BICD2: variants seen among roughly 807,000 people sequenced by gnomAD.
BICD2 encodes BICD cargo adaptor 2, also known as protein bicaudal D homolog 2.
BICD2 carries 25 observed loss-of-function variants against 72.9 expected under a neutral mutation model. That is an observed-to-expected ratio of 0.34 (90% confidence interval 0.25 to 0.48). The LOEUF is 0.48. BICD2 is among the 20% of genes least tolerant of loss of function. The probability of loss-of-function intolerance (pLI) is 0.99; values close to 1 mark genes in which losing one functional copy is unlikely to be tolerated. For missense variants in BICD2, 894 were observed against 1,175.2 expected (o/e 0.76, Z 3.50); for synonymous variants, 501 against 516.1 (o/e 0.97, Z 0.40).
At position 92,759,255 on chromosome 9, in the gene BICD2, C is replaced by G. The variant is rs77565235; in HGVS notation, c.240+5250G>C. 9.2e-5 allele frequency among the ~76,000 whole-genome samples: 14 copies of G among 152,240 alleles called. 1 individual carries two copies. In the East Asian group the frequency reaches 2.3e-3, roughly 25 times the overall value. ...GCCTTTCCCCTGTGTTTGATGGTGT[C>G]TTGTACACATCACACACTCACAAGG... On this transcript the variant is annotated intron_variant, in intron 1 of 6. Coordinates refer to ENST00000356884, the MANE Select transcript of BICD2 (RefSeq NM_001003800.2).
Position 92,720,877 on chromosome 9 carries a change from C to A in BICD2, c.607-122G>T. The A allele has an allele frequency of 9.4e-7, 1 of 1,058,572 alleles. No individual in the cohort carries two copies. The highest frequency in any genetic ancestry group is 1.3e-6 in the Non-Finnish European group (1 of 748,778). The allele number at this position is 1,058,572 out of a possible 1,614,324, so 65.6% of individuals were successfully genotyped here. A position where few individuals can be genotyped will look rare whatever the true frequency, so the allele number is the denominator to read the frequency against. On this transcript the variant is annotated intron_variant, in intron 3 of 6. Coordinates refer to ENST00000356884, the MANE Select transcript of BICD2 (RefSeq NM_001003800.2). The surrounding 1 kb of genome is among the most constrained non-coding windows in gnomAD (Gnocchi z 5.4). Reference sequence around the variant, plus strand: ...CACTATGAAGCAAAAGATGAAGCGCCAGGTGAGGTGCCATCCTGGGAAGGG... The same window carrying A: ...CACTATGAAGCAAAAGATGAAGCGCAAGGTGAGGTGCCATCCTGGGAAGGG...
At chr9:92,717,635 C>T (rs537307924) in intron 6 of BICD2, among the ~76,000 whole-genome samples, 162 bp downstream of exon 6, 101 of 152,348 alleles carry the variant, frequency 6.6e-4, no homozygotes, top group African/African-American at 2.4e-3. Context: ...CCATGCTTCC[C>T]CAACCTCGTA....
chr9:92,714,762 A>C lies in BICD2; in HGVS notation c.*392T>G. The C allele has an allele frequency of 1.3e-5, 13 of 1,016,426 alleles. No homozygotes were observed. Among genetic ancestry groups the C allele is most frequent in the East Asian group, 9.7e-5 (1 of 10,258 alleles). The allele number at this position is 1,016,426 out of a possible 1,614,324, so 63.0% of individuals were successfully genotyped here. ...TGCTGACATTAGACACATGCGAGGAACATGCAAGTCTCAACTCAGGTTCTG... is the reference window on the plus strand; with the variant it reads ...TGCTGACATTAGACACATGCGAGGACCATGCAAGTCTCAACTCAGGTTCTG... On this transcript the variant is annotated 3_prime_UTR_variant, in exon 7 of 7. Coordinates refer to ENST00000356884, the MANE Select transcript of BICD2 (RefSeq NM_001003800.2).
chr9:92,731,799 G>A (rs1853685047), intron 1 of BICD2, among the ~76,000 whole-genome samples: 1 of 152,186 alleles, frequency 6.6e-6, no homozygotes, highest in East Asian at 1.9e-4. Flanking sequence ...CCACTGAGGG[G>A]GCAGAGAAAG....
chr9:92,719,685 C>A, intron 4 of BICD2, 103 bp from the exon 5 acceptor site: 1 of 1,269,048 alleles, frequency 7.9e-7, no homozygotes, highest in Non-Finnish European at 1.1e-6. Flanking sequence ...CATGTCAGGG[C>A]AGGCTGTCAG....
Position 92,722,801 on chromosome 9 carries a change from T to C in BICD2, c.461A>G (p.Gln154Arg). The C allele has an allele frequency of 6.2e-7, 1 of 1,614,110 alleles. No individual in the cohort carries two copies. Among genetic ancestry groups the C allele is most frequent in the East Asian group, 2.2e-5 (1 of 44,880 alleles). ...GCGGCCACGCTGGATCTCCACATTC[T>C]GGTTGATCTGTTGGGGGAGAGGGAA... ...SVAQELKEINQNVEIQRGRLR... is the reference protein window; with the variant it reads ...SVAQELKEINRNVEIQRGRLR... Residue 154 changes from glutamine to arginine, a missense_variant, in exon 3 of 7, where the codon CAG (glutamine) becomes CGG (arginine). This residue lies in a region of BICD2 where 192 missense variants were observed against 243.6 expected (regional missense o/e 0.79). Coordinates refer to ENST00000356884, the MANE Select transcript of BICD2 (RefSeq NM_001003800.2).
In BICD2 at chr9:92,714,182, G is replaced by A. The variant is rs984261443; in HGVS notation, c.*972C>T. 1.5e-5 allele frequency: 15 copies of A among 985,400 alleles called. No individual in the cohort carries two copies. The South Asian group carries it at 2.8e-4, about 19-fold the overall frequency. 61.0% of individuals were successfully genotyped at this position (985,400 alleles called of 1,614,324 possible). On this transcript the variant is annotated 3_prime_UTR_variant, in exon 7 of 7. Transcript: ENST00000356884. ...CCCTATGCAAAGCTTTCCCAGCACC[G>A]GGCTGGGCTCTGGATACACCTGTGG...
At chr9:92,734,480 C>A (rs1853737255) in intron 1 of BICD2, among the ~76,000 whole-genome samples, 1 of 148,910 alleles carries the variant, frequency 6.7e-6, no homozygotes, top group South Asian at 2.1e-4. Flanking sequence ...CACCACTGTA[C>A]TCCAGCCTGG....
Position 92,713,296 on chromosome 9 carries a change from C to A in BICD2, c.*1858G>T. On this transcript the variant is annotated 3_prime_UTR_variant, in exon 7 of 7. Transcript: ENST00000356884. ...AGCTTTTTTTCCTCCCATTAAAAAC[C>A]TGGGGAATGCTATTTTGAAAAGAAT... The A allele has an allele frequency of 1.3e-6, 1 of 793,064 alleles. No individual in the cohort carries two copies. The highest frequency in any genetic ancestry group is 1.7e-5 in the South Asian group (1 of 58,372). The allele number at this position is 793,064 out of a possible 1,614,324, so 49.1% of individuals were successfully genotyped here.
intron 1 of BICD2, among the ~76,000 whole-genome samples, chr9:92,751,022 T>C (rs12684076): frequency 0.19 from 28,200 of 151,390 alleles, 3,741 homozygotes; most frequent in East Asian, 0.72. Flanking sequence ...GCAATTCTCC[T>C]GCCTCAGCCT....
Position 92,735,017 on chromosome 9 carries a change from A to C in BICD2, c.241-5781T>G, listed in dbSNP as rs559663792. 2.9e-4 allele frequency among the ~76,000 whole-genome samples: 44 copies of C among 152,306 alleles called. 1 individual carries two copies. The South Asian group carries it at 6.4e-3, about 22-fold the overall frequency. ...AGCAGCACCTTGGTGATAACCCCCA[A>C]GGGGCTGCCCTGGCTATGGGCGAAC... is the stretch of plus-strand genomic sequence containing the variant. On this transcript the variant is annotated intron_variant, in intron 1 of 6. Coordinates refer to ENST00000356884, the MANE Select transcript of BICD2 (RefSeq NM_001003800.2).
At chr9:92,716,823 C>A (rs1012136373) in intron 6 of BICD2, among the ~76,000 whole-genome samples, 2 of 152,240 alleles carry the variant, frequency 1.3e-5, no homozygotes, top group Non-Finnish European at 2.9e-5. Context: ...TGAGTCCCAG[C>A]CAGGGAGGGG....
In BICD2 at chr9:92,722,736, G is replaced by A. The variant is rs1246515448; in HGVS notation, c.526C>T (p.Arg176Cys). 10 of 1,614,166 alleles carry A rather than the reference G, an allele frequency of 6.2e-6. No homozygotes were observed. Among genetic ancestry groups the A allele is most frequent in the South Asian group, 1.1e-5 (1 of 91,076 alleles). The change falls in exon 3 of 7, where the codon CGT becomes TGT. Residue 176 changes from arginine (R) to cysteine (C), a missense_variant. By Grantham distance (180) the Arg-to-Cys change is radical. Around this residue, in one of 5 missense-constraint regions of BICD2, gnomAD observed 192 missense variants for 243.6 expected, o/e 0.79. Coordinates refer to ENST00000356884, the MANE Select transcript of BICD2 (RefSeq NM_001003800.2). Reference sequence around the variant, plus strand: ...AGTTCCGAGTAGTCCTGCAGCAGACGAGCTTCCCGGAATTTGTACTCCTTG... The same window carrying A: ...AGTTCCGAGTAGTCCTGCAGCAGACAAGCTTCCCGGAATTTGTACTCCTTG... ...DIKEYKFREA[R>C]LLQDYSELEE...
chr9:92,739,792 G>A (rs561509862), intron 1 of BICD2, among the ~76,000 whole-genome samples: 10 of 152,304 alleles, frequency 6.6e-5, no homozygotes, highest in South Asian at 6.2e-4. Context: ...AGGTGTTTCC[G>A]AGGCCTTAAA....
chr9:92,728,298 C>G (rs931659971), intron 2 of BICD2, among the ~76,000 whole-genome samples: 1 of 152,242 alleles, frequency 6.6e-6, no homozygotes, highest in African/African-American at 2.4e-5. Context: ...GCCCAAGAGC[C>G]AAGCTGGTTC....
intron 2 of BICD2, among the ~76,000 whole-genome samples, chr9:92,724,270 G>C (rs1403990553): frequency 6.6e-6 from 1 of 152,130 alleles, no homozygotes; most frequent in Non-Finnish European, 1.5e-5. Context: ...TCATCTGAAT[G>C]GAACATACTT....
intron 4 of BICD2, among the ~76,000 whole-genome samples, chr9:92,719,790 C>T (rs774618822): frequency 2.1e-4 from 32 of 152,230 alleles, no homozygotes; most frequent in Non-Finnish European, 4.4e-4. Flanking sequence ...GAACACTAAC[C>T]GTCACCAGTA....
intron 1 of BICD2, among the ~76,000 whole-genome samples, chr9:92,733,256 G>C (rs1004313907): frequency 6.6e-6 from 1 of 152,102 alleles, no homozygotes; most frequent in Non-Finnish European, 1.5e-5. Flanking sequence ...ATAGTTTTTC[G>C]GCCAGGCACG....
intron 1 of BICD2, among the ~76,000 whole-genome samples, chr9:92,753,829 G>A (rs976707033): frequency 1.1e-4 from 16 of 151,856 alleles, no homozygotes; most frequent in Non-Finnish European, 1.8e-4. Flanking sequence ...GTGAGCCACC[G>A]TGCCCGGCCG....
Sources: allele counts gnomAD v4.1 joint callset (sites outside exome capture counted in the v4.1 genomes callset), GRCh38; gene constraint gnomAD v4.1.1; regional missense constraint gnomAD v4.1.1; non-coding constraint Gnocchi (gnomAD v3.1); transcripts MANE v1.5; gene names NCBI Gene and HGNC (gene_info 2026-07-23, HGNC 2026-07-21).